The following MICU2 variants were observed in gnomAD, a reference collection of about 807,000 sequenced individuals.
MICU2 encodes the protein calcium uptake protein 2, mitochondrial.
A neutral mutation model predicts 60.4 loss-of-function variants in MICU2; 64 were observed. That is an observed-to-expected ratio of 1.06 (90% CI 0.87 to 1.31). The LOEUF is 1.31. Among genes scored for constraint, MICU2 ranks in the 50% most tolerant of loss-of-function variants. The pLI is 0.00. For missense variants in MICU2, 569 were observed against 531.0 expected (o/e 1.07, Z -0.70); for synonymous variants, 201 against 175.0 (o/e 1.15, Z -1.17).
chr13:21,502,880 TTATTATTTCA>T, intron 9 of MICU2, 36 bp downstream of exon 9: 1 of 1,542,510 alleles, frequency 6.5e-7, no homozygotes, highest in Non-Finnish European at 8.8e-7. Context: ...CATGTCTAAC[TTATTATTTCA>T]TCTTTATCAC....
intron 6 of MICU2, among the ~76,000 whole-genome samples, chr13:21,515,030 T>C (rs1416694624): frequency 2.0e-5 from 3 of 151,838 alleles, no homozygotes; most frequent in Non-Finnish European, 4.4e-5. Flanking sequence ...TTCAAGATAA[T>C]TTTTATTCAT....
intron 1 of MICU2, among the ~76,000 whole-genome samples, chr13:21,583,438 C>T (rs1888393629): frequency 6.6e-6 from 1 of 152,180 alleles, no homozygotes; most frequent in Non-Finnish European, 1.5e-5. Context: ...TCCTCATAAT[C>T]ATTATTTTCT....
At chr13:21,522,882 G>A (rs1472139576) in intron 4 of MICU2, among the ~76,000 whole-genome samples, 1 of 152,184 alleles carries the variant, frequency 6.6e-6, no homozygotes, top group East Asian at 1.9e-4. Context: ...TTGGTTTTAA[G>A]TGTCAGTTTG....
chr13:21,565,220 C>CA (rs1566162617), intron 2 of MICU2, among the ~76,000 whole-genome samples: 3 of 152,120 alleles, frequency 2.0e-5, no homozygotes, highest in Non-Finnish European at 2.9e-5. Context: ...AACTTCCCTG[C>CA]AAAAAAGCTG....
At chr13:21,537,084 T>C (rs1166903981) in intron 4 of MICU2, among the ~76,000 whole-genome samples, 1 of 152,236 alleles carries the variant, frequency 6.6e-6, no homozygotes, top group East Asian at 1.9e-4. Flanking sequence ...TCCTGGAGTT[T>C]ATCATGAAAA....
chr13:21,495,423 T>C (rs1182936865), intron 10 of MICU2, 105 bp from the exon 11 acceptor site: 20 of 1,207,542 alleles, frequency 1.7e-5, no homozygotes, highest in Non-Finnish European at 2.2e-5. Context: ...CAAATTTTTA[T>C]TATTTGGGAA....
chr13:21,598,119 A>G (rs1382191332), intron 1 of MICU2, among the ~76,000 whole-genome samples: 1 of 152,130 alleles, frequency 6.6e-6, no homozygotes, highest in Non-Finnish European at 1.5e-5. Context: ...ACAGCATTAT[A>G]GAGAATGCTA....
chr13:21,570,379 A>G (rs919321943), intron 1 of MICU2, among the ~76,000 whole-genome samples: 1 of 152,172 alleles, frequency 6.6e-6, no homozygotes, highest in African/African-American at 2.4e-5. Flanking sequence ...TAGAATTTGG[A>G]AGATTAATTT....
intron 2 of MICU2, among the ~76,000 whole-genome samples, chr13:21,562,518 C>T (rs1449694485): frequency 6.6e-6 from 1 of 152,088 alleles, no homozygotes; most frequent in Non-Finnish European, 1.5e-5. Flanking sequence ...TTTCTCTCCT[C>T]TCTTAGAATG....
intron 1 of MICU2, among the ~76,000 whole-genome samples, chr13:21,586,018 C>G (rs1424064739): frequency 2.0e-5 from 3 of 152,088 alleles, no homozygotes; most frequent in African/African-American, 4.8e-5. Flanking sequence ...TAATACTTTA[C>G]AGCAACATTA....
chr13:21,557,323 GA>G (rs1593343456), intron 2 of MICU2, among the ~76,000 whole-genome samples: 1 of 152,264 alleles, frequency 6.6e-6, no homozygotes, highest in East Asian at 1.9e-4. Context: ...AAATTCAGTA[GA>G]AAAGAACGTA....
intron 1 of MICU2, among the ~76,000 whole-genome samples, chr13:21,592,454 T>C (rs1282062709): frequency 2.6e-5 from 4 of 152,166 alleles, no homozygotes; most frequent in Non-Finnish European, 5.9e-5. Flanking sequence ...GTTGGTACCA[T>C]TCCTTCTGAA....
intron 3 of MICU2, 136 bp downstream of exon 3, chr13:21,539,521 A>G: frequency 1.5e-6 from 2 of 1,313,680 alleles, no homozygotes; most frequent in South Asian, 2.5e-5. Flanking sequence ...CAGGATGGTG[A>G]TCTCCTGACC....
intron 4 of MICU2, among the ~76,000 whole-genome samples, chr13:21,526,687 T>C (rs1262390816): frequency 2.6e-5 from 4 of 152,088 alleles, no homozygotes; most frequent in Non-Finnish European, 5.9e-5. Context: ...CTTTGAATGA[T>C]TGGTAAAAAT....
At chr13:21,550,500 T>C (rs1014697854) in intron 2 of MICU2, among the ~76,000 whole-genome samples, 6 of 152,186 alleles carry the variant, frequency 3.9e-5, no homozygotes, top group African/African-American at 1.4e-4. Flanking sequence ...ATCGCACCAC[T>C]GCACCCCAGC....
chr13:21,506,553 C>G (rs1886296381), intron 8 of MICU2, among the ~76,000 whole-genome samples: 3 of 152,184 alleles, frequency 2.0e-5, no homozygotes, highest in Admixed American at 6.5e-5. Context: ...ATTTCATTTT[C>G]ACTCTCTTTT....
chr13:21,503,292 G>A (rs1206346262), intron 8 of MICU2, among the ~76,000 whole-genome samples, 195 bp from the exon 9 acceptor site: 1 of 152,088 alleles, frequency 6.6e-6, no homozygotes, highest in Non-Finnish European at 1.5e-5. Flanking sequence ...GTCCAACACT[G>A]GCTTCCATCA....
intron 5 of MICU2, 63 bp from the exon 6 acceptor site, chr13:21,521,390 T>A (rs954916801): frequency 2.9e-6 from 4 of 1,358,742 alleles, no homozygotes; most frequent in Admixed American, 2.1e-5. Flanking sequence ...TGTAGATAGA[T>A]AGGTCTTCAA....
chr13:21,519,807 A>G (rs2138163225), intron 6 of MICU2, among the ~76,000 whole-genome samples: 1 of 152,350 alleles, frequency 6.6e-6, no homozygotes, highest in Non-Finnish European at 1.5e-5. Context: ...GCTGACAATG[A>G]GGAAAGAGCA....
Sources: gnomAD v4.1 joint callset for allele counts (sites outside exome capture counted in the v4.1 genomes callset) on GRCh38, gnomAD v4.1.1 for gene constraint, MANE v1.5 for transcripts, NCBI Gene and HGNC (gene_info 2026-07-23, HGNC 2026-07-21) for gene names.